Variants in SLC14A2 observed in about 807,000 individuals in gnomAD.
SLC14A2 encodes urea transporter 2.
SLC14A2 carries 91 observed loss-of-function variants against 104.6 expected under a neutral mutation model. The ratio of observed to expected loss-of-function variants is 0.87; its 90% CI spans 0.73 to 1.04. SLC14A2 has a LOEUF of 1.04. Ranked by LOEUF, SLC14A2 falls within the 50% of genes least tolerant of loss-of-function variation. The pLI is 0.00. For missense variants in SLC14A2, 1,189 were observed against 1,156.0 expected, an observed-to-expected ratio of 1.03 and a Z score of -0.41; for synonymous variants, 476 against 466.4, an observed-to-expected ratio of 1.02 and a Z score of -0.27.
chr18:45,201,409 C>T, the SLC14A2 span, among the ~76,000 whole-genome samples: 37,161 of 151,966 alleles, frequency 0.24, 4,778 homozygotes, highest in Non-Finnish European at 0.3. Flanking sequence ...TATTTAATAA[C>T]TCATTTATAT....
intron 1 of SLC14A2, among the ~76,000 whole-genome samples, chr18:45,273,978 AT>A (rs1198241538): frequency 1.3e-4 from 20 of 152,300 alleles, no homozygotes; most frequent in Admixed American, 5.2e-4. Flanking sequence ...TTGAGTTTTA[AT>A]TCTAAGACAG....
At position 45,682,873 on chromosome 18, in the gene SLC14A2, T is replaced by C; in HGVS notation, c.*354T>C. Reference sequence around the variant, plus strand: ...ACTTTGGGAGGCCGAGGCGGGTGGATCACGAGGTCAGGAGATCGAGACCAT... The same window carrying C: ...ACTTTGGGAGGCCGAGGCGGGTGGACCACGAGGTCAGGAGATCGAGACCAT... On this transcript the variant is annotated 3_prime_UTR_variant, in exon 20 of 20. Transcript: ENST00000255226. The C allele has an allele frequency of 8.1e-6, 2 of 248,430 alleles. No individual in the cohort carries two copies. Among genetic ancestry groups the C allele is most frequent in the South Asian group, 5.2e-5 (1 of 19,334 alleles). The allele number at this position is 248,430 out of a possible 1,614,324, so 15.4% of individuals were successfully genotyped here. A position where few individuals can be genotyped will look rare whatever the true frequency, so the allele number is the denominator to read the frequency against.
At chr18:45,239,951 T>A (rs1384797101) in intron 1 of SLC14A2, among the ~76,000 whole-genome samples, 15 of 151,994 alleles carry the variant, frequency 9.9e-5, no homozygotes, top group Admixed American at 9.9e-4. Context: ...AGAATTTGAT[T>A]CTTTTTTTAT....
upstream of SLC14A2, among the ~76,000 whole-genome samples, chr18:45,208,202 G>T (rs187599542): frequency 8.5e-5 from 13 of 152,182 alleles, 1 homozygote; most frequent in East Asian, 2.5e-3. Context: ...AAAAATTTGG[G>T]CTTGGAGATC....
intron 5 of SLC14A2, 63 bp downstream of exon 5, chr18:45,632,541 A>G (rs2045362468): frequency 6.4e-7 from 1 of 1,571,064 alleles, no homozygotes; most frequent in African/African-American, 1.4e-5. Context: ...TGTGTCTTAT[A>G]CTGGCCAGAG....
At chr18:45,671,202 G>T (rs1186678171) in intron 16 of SLC14A2, among the ~76,000 whole-genome samples, 1 of 152,084 alleles carries the variant, frequency 6.6e-6, no homozygotes, top group Non-Finnish European at 1.5e-5. Flanking sequence ...CAGTTGAGAA[G>T]AAATTTTGAA....
At chr18:45,326,071 G>A (rs1474562411) in intron 1 of SLC14A2, among the ~76,000 whole-genome samples, 1 of 152,142 alleles carries the variant, frequency 6.6e-6, no homozygotes, top group African/African-American at 2.4e-5. Flanking sequence ...ACCCACCCAG[G>A]CCTCCTGATT....
chr18:45,672,766 T>C, intron 16 of SLC14A2, 134 bp from the exon 17 acceptor site: 1 of 718,066 alleles, frequency 1.4e-6, no homozygotes, highest in Non-Finnish European at 2.3e-6. Context: ...TTAACCTATT[T>C]GAATAGAAAC....
chr18:45,281,201 T>C (rs562163094), intron 1 of SLC14A2, among the ~76,000 whole-genome samples: 19 of 152,136 alleles, frequency 1.2e-4, no homozygotes, highest in Non-Finnish European at 2.6e-4. Flanking sequence ...TCCAAATCAT[T>C]TTTCTGGGGG....
chr18:45,597,537 A>C (rs1240843413), intron 2 of SLC14A2, among the ~76,000 whole-genome samples: 1 of 152,166 alleles, frequency 6.6e-6, no homozygotes, highest in Non-Finnish European at 1.5e-5. Context: ...AAAGGGTTGG[A>C]AAGTTGGGGG....
chr18:45,402,038 G>A (rs937658254), intron 1 of SLC14A2, among the ~76,000 whole-genome samples: 2 of 152,124 alleles, frequency 1.3e-5, no homozygotes, highest in African/African-American at 2.4e-5. Context: ...AAAATCTGCC[G>A]AAGCTTCCCC....
chr18:45,642,234 T>C (rs2045540595), intron 8 of SLC14A2, among the ~76,000 whole-genome samples: 1 of 152,212 alleles, frequency 6.6e-6, no homozygotes, highest in Non-Finnish European at 1.5e-5. Flanking sequence ...TTTTCCCACT[T>C]ATGCTTGGAG....
intron 2 of SLC14A2, among the ~76,000 whole-genome samples, chr18:45,502,791 T>C (rs2043218786): frequency 6.6e-6 from 1 of 152,098 alleles, no homozygotes; most frequent in Non-Finnish European, 1.5e-5. Flanking sequence ...ACACATTCAA[T>C]GTTGCATCAT....
chr18:45,346,214 G>T (rs566144138), intron 1 of SLC14A2, among the ~76,000 whole-genome samples: 1 of 152,230 alleles, frequency 6.6e-6, no homozygotes, highest in East Asian at 1.9e-4. Context: ...GGAGTACAGT[G>T]GCACAATCTC....
chr18:45,573,475 T>TAAG (rs1285251328), intron 2 of SLC14A2, among the ~76,000 whole-genome samples: 1 of 152,366 alleles, frequency 6.6e-6, no homozygotes, highest in African/African-American at 2.4e-5. Context: ...TAATTTGTTA[T>TAAG]AAGTTACAAA....
In SLC14A2 at chr18:45,624,791, C is replaced by G. The variant is rs917429033; in HGVS notation, c.127C>G (p.Leu43Val). ...TSPDTHPALP[L>V]LEMPEEKDLR... ...CCCGGATACTCACCCAGCTCTGCCC[C>G]TCCTGGAAATGCCTGAAGAAAAGGT... Residue 43 changes from leucine to valine, a missense_variant, in exon 2 of 20, where the codon CTC becomes GTC. By Grantham distance (32) the Leu-to-Val change is conservative (BLOSUM62 1). Transcript: ENST00000255226. The G allele has an allele frequency of 6.2e-7, 1 of 1,611,658 alleles. No individual in the cohort carries two copies. Among genetic ancestry groups the G allele is most frequent in the African/African-American group, 1.3e-5 (1 of 74,846 alleles).
intron 1 of SLC14A2, among the ~76,000 whole-genome samples, chr18:45,271,857 AAG>A (rs771257937): frequency 6.6e-6 from 1 of 152,188 alleles, no homozygotes; most frequent in Non-Finnish European, 1.5e-5. Context: ...CTTAAGCAAA[AAG>A]AACAAAACTG....
At chr18:45,494,900 T>TCA (rs531108146) in intron 2 of SLC14A2, among the ~76,000 whole-genome samples, 20 of 96,560 alleles carry the variant, frequency 2.1e-4, no homozygotes, top group South Asian at 8.7e-4. Context: ...AATCGGGTCA[T>TCA]CACACACACA....
At chr18:45,326,422 A>G (rs2144250223) in intron 1 of SLC14A2, among the ~76,000 whole-genome samples, 1 of 152,270 alleles carries the variant, frequency 6.6e-6, no homozygotes, top group East Asian at 1.9e-4. Context: ...TATTATCAAT[A>G]TCTAAAATGT....
Sources: allele counts gnomAD v4.1 joint callset (sites outside exome capture counted in the v4.1 genomes callset), GRCh38; gene constraint gnomAD v4.1.1; transcripts MANE v1.5; gene names NCBI Gene and HGNC (gene_info 2026-07-23, HGNC 2026-07-21).